The following API5 variants were observed in gnomAD, a reference collection of about 807,000 sequenced individuals.
API5 encodes apoptosis inhibitor 5.
API5 carries 6 observed loss-of-function variants against 71.9 expected under a neutral mutation model. The observed-to-expected ratio is 0.08, with a 90% CI of 0.05 to 0.16. API5 has a LOEUF of 0.16. Among genes scored for constraint, API5 ranks in the 10% least tolerant of loss-of-function variants. The probability of loss-of-function intolerance (pLI) is 1.00; values close to 1 mark genes in which losing one functional copy is unlikely to be tolerated. For synonymous variants in API5, 189 were observed against 221.3 expected, an observed-to-expected ratio of 0.85 and a Z score of 1.30; for missense variants, 332 against 612.8, an observed-to-expected ratio of 0.54 and a Z score of 4.84.
intron 1 of API5, among the ~76,000 whole-genome samples, chr11:43,314,112 A>T (rs1854589296): frequency 6.6e-6 from 1 of 152,108 alleles, no homozygotes; most frequent in Admixed American, 6.6e-5. Context: ...AAAAAAAAAA[A>T]AGATACAAAC....
intron 2 of API5, among the ~76,000 whole-genome samples, chr11:43,319,979 G>A (rs1227607756): frequency 6.7e-6 from 1 of 148,802 alleles, no homozygotes; most frequent in African/African-American, 2.5e-5. Context: ...GCGAGACATT[G>A]TTAACATCCC....
chr11:43,330,134 AT>A, intron 10 of API5, 76 bp downstream of exon 10: 2 of 1,192,930 alleles, frequency 1.7e-6, no homozygotes, highest in Non-Finnish European at 2.4e-6. Flanking sequence ...GGAGTTTTTC[AT>A]TTTCCCTTAT....
Position 43,327,842 on chromosome 11 carries a change from A to G in API5, c.909A>G (p.Leu303=). The change falls in exon 8 of 14, where the codon CTA becomes CTG. Residue 303 remains leucine (L), a synonymous_variant. Coordinates refer to ENST00000531273, the MANE Select transcript of API5 (RefSeq NM_001142930.2). ...MSSFCGDMEK[L]ETNLRKLFDK... is the part of the protein sequence containing the mutation. ...CATTTTGTGGTGACATGGAAAAACTAGAAACAAATTTAAGGAAACTATTTG... is the reference window on the plus strand; with the variant it reads ...CATTTTGTGGTGACATGGAAAAACTGGAAACAAATTTAAGGAAACTATTTG... The G allele has an allele frequency of 2.5e-6, 4 of 1,612,888 alleles. No homozygotes were observed. The highest frequency in any genetic ancestry group is 3.4e-6 in the Non-Finnish European group (4 of 1,179,440).
intron 2 of API5, 38 bp downstream of exon 2, chr11:43,318,839 A>G (rs934080285): frequency 2.1e-5 from 33 of 1,574,754 alleles, no homozygotes; most frequent in African/African-American, 4.0e-5. Flanking sequence ...AATCTTTCAG[A>G]TGTTTCTGTA....
chr11:43,322,898 G>T (rs1476513440), intron 5 of API5, among the ~76,000 whole-genome samples: 1 of 152,032 alleles, frequency 6.6e-6, no homozygotes, highest in Non-Finnish European at 1.5e-5. Context: ...GAGCTTTTTT[G>T]GTCCATGAAT....
chr11:43,324,669 C>A, intron 6 of API5, among the ~76,000 whole-genome samples: 1 of 151,882 alleles, frequency 6.6e-6, no homozygotes, highest in Non-Finnish European at 1.5e-5. Context: ...GTCCACAATT[C>A]ATTTATTTAT....
At chr11:43,335,795 A>G (rs2134378922) in intron 12 of API5, 63 bp from the exon 13 acceptor site, 1 of 1,504,860 alleles carries the variant, frequency 6.6e-7, no homozygotes, top group East Asian at 2.3e-5. Flanking sequence ...TAAATTATAA[A>G]TGTATTGATA....
chr11:43,338,078 C>T (rs563013326), intron 13 of API5, among the ~76,000 whole-genome samples: 2 of 152,202 alleles, frequency 1.3e-5, no homozygotes, highest in South Asian at 2.1e-4. Flanking sequence ...AACAGAAGGG[C>T]AAAGCAAAGT....
At chr11:43,317,225 C>T (rs1330082851) in intron 1 of API5, among the ~76,000 whole-genome samples, 1 of 152,094 alleles carries the variant, frequency 6.6e-6, no homozygotes, top group African/African-American at 2.4e-5. Flanking sequence ...TATGTCCAAA[C>T]AATATATATG....
intron 1 of API5, 116 bp downstream of exon 1, chr11:43,312,312 C>T: frequency 8.9e-7 from 1 of 1,120,930 alleles, no homozygotes; most frequent in Admixed American, 2.1e-5. Flanking sequence ...CCCGGGGCCT[C>T]CTAGCCTCCT....
chr11:43,323,670 CTA>C (rs1854970258), intron 6 of API5, 34 bp downstream of exon 6: 9 of 1,572,886 alleles, frequency 5.7e-6, no homozygotes, highest in South Asian at 1.1e-5. Flanking sequence ...CCGGTATTAG[CTA>C]TATATATATT....
intron 2 of API5, among the ~76,000 whole-genome samples, chr11:43,319,692 C>T (rs1287840368): frequency 2.6e-5 from 4 of 152,064 alleles, no homozygotes; most frequent in African/African-American, 4.8e-5. Flanking sequence ...GGATTACAGG[C>T]GTGAGCCACC....
At chr11:43,318,019 T>C (rs1041528735) in intron 1 of API5, among the ~76,000 whole-genome samples, 4 of 151,200 alleles carry the variant, frequency 2.6e-5, no homozygotes, top group Admixed American at 6.6e-5. Flanking sequence ...TGTTTTGTTT[T>C]GTTTTTTGGA....
Position 43,312,029 on chromosome 11 carries a change from T to A in API5, c.-99T>A. 2.3e-6 allele frequency: 3 copies of A among 1,316,776 alleles called. No homozygotes were observed. The South Asian group carries it at 3.9e-5, about 17-fold the overall frequency. 81.6% of individuals were successfully genotyped at this position (1,316,776 alleles called of 1,614,324 possible). On this transcript the variant is annotated 5_prime_UTR_variant, in exon 1 of 14. Transcript: ENST00000531273. ...CGGCTGCACTGGCGGCAGCTGGAGG[T>A]GTAATAGTGCGGGTAGTGGGTTTGG...
At chr11:43,329,838 C>A (rs1208931251) in intron 9 of API5, 127 bp from the exon 10 acceptor site, 11 of 710,136 alleles carry the variant, frequency 1.5e-5, no homozygotes, top group South Asian at 3.8e-5. Flanking sequence ...ACTTAAAATT[C>A]TCTTCTTTAA....
At chr11:43,338,016 T>C (rs1161312224) in intron 13 of API5, among the ~76,000 whole-genome samples, 3 of 152,218 alleles carry the variant, frequency 2.0e-5, no homozygotes, top group Non-Finnish European at 4.4e-5. Context: ...AAAGTTTTAC[T>C]CAAGACAAAC....
At chr11:43,333,527 GCTA>G (rs1266508009) in intron 11 of API5, among the ~76,000 whole-genome samples, 1 of 152,114 alleles carries the variant, frequency 6.6e-6, no homozygotes, top group Non-Finnish European at 1.5e-5. Flanking sequence ...TATATGACTG[GCTA>G]CTATTGATTA....
At chr11:43,312,551 A>G (rs998155488) in intron 1 of API5, among the ~76,000 whole-genome samples, 2 of 152,198 alleles carry the variant, frequency 1.3e-5, no homozygotes, top group African/African-American at 4.8e-5. Flanking sequence ...AGTGCTTCCA[A>G]GATTAGATCG....
At chr11:43,333,707 T>G (rs1378493809) in intron 11 of API5, among the ~76,000 whole-genome samples, 1 of 152,296 alleles carries the variant, frequency 6.6e-6, no homozygotes, top group African/African-American at 2.4e-5. Context: ...TGTAAAGAGG[T>G]AACAGTCACA....
Sources: allele counts gnomAD v4.1 joint callset (sites outside exome capture counted in the v4.1 genomes callset), GRCh38; gene constraint gnomAD v4.1.1; transcripts MANE v1.5; gene names NCBI Gene and HGNC (gene_info 2026-07-23, HGNC 2026-07-21).